ERGIC2: variants seen among roughly 807,000 people sequenced by gnomAD.
ERGIC2 encodes the protein ERGIC and golgi 2.
A neutral mutation model predicts 52.5 loss-of-function variants in ERGIC2; 31 were observed. That is an observed-to-expected ratio of 0.59 (90% CI 0.44 to 0.80). The LOEUF (loss-of-function observed/expected upper bound fraction) is 0.80, where lower values mean the gene tolerates loss of function less well. Ranked by LOEUF, ERGIC2 falls within the 30% of genes least tolerant of loss-of-function variation. The pLI, the probability that ERGIC2 is intolerant of heterozygous loss-of-function variation, is 0.00. For missense variants in ERGIC2, 395 were observed against 455.2 expected, an observed-to-expected ratio of 0.87 and a Z score of 1.20; for synonymous variants, 129 against 140.6, an observed-to-expected ratio of 0.92 and a Z score of 0.58.
intron 2 of ERGIC2, 88 bp from the exon 3 acceptor site, chr12:29,370,310 T>C: frequency 7.3e-7 from 1 of 1,367,524 alleles, no homozygotes. Context: ...GATTAAATTT[T>C]CAAAAGAAAA....
intron 4 of ERGIC2, among the ~76,000 whole-genome samples, chr12:29,367,205 A>G (rs1166424813): frequency 6.6e-6 from 1 of 151,732 alleles, no homozygotes; most frequent in Non-Finnish European, 1.5e-5. Context: ...CAATAAAAAA[A>G]AAAAGATAAT....
chr12:29,359,514 T>C (rs370208004), intron 6 of ERGIC2, among the ~76,000 whole-genome samples: 1 of 152,110 alleles, frequency 6.6e-6, no homozygotes, highest in South Asian at 2.1e-4. Flanking sequence ...ATCATCTTAA[T>C]AGTAAAAATA....
chr12:29,356,563 C>T, intron 7 of ERGIC2, 86 bp from the exon 8 acceptor site: 2 of 653,710 alleles, frequency 3.1e-6, no homozygotes, highest in Non-Finnish European at 5.2e-6. Flanking sequence ...AAAAAAAATC[C>T]CTAAAGATCA....
chr12:29,378,320 T>G (rs1940541808), intron 1 of ERGIC2, among the ~76,000 whole-genome samples: 1 of 152,166 alleles, frequency 6.6e-6, no homozygotes, highest in South Asian at 2.1e-4. Flanking sequence ...TCTTCAAGTC[T>G]TGCTGACACC....
In ERGIC2 at chr12:29,338,221, C is replaced by T. The variant is rs1302406330; in HGVS notation, c.*2935G>A. Reference sequence around the variant, plus strand: ...GAACTTAGTCATTCCTTCATGAATTCCAAAATTAAGATTGTATTAAAGACT... The same window carrying T: ...GAACTTAGTCATTCCTTCATGAATTTCAAAATTAAGATTGTATTAAAGACT... On this transcript the variant is annotated 3_prime_UTR_variant, in exon 14 of 14. Transcript: ENST00000360150. The T allele has an allele frequency of 6.6e-6, 1 of 150,792 alleles. No individual in the cohort carries two copies. The highest frequency in any genetic ancestry group is 1.5e-5 in the Non-Finnish European group (1 of 67,772). The allele number at this position is 150,792 out of a possible 1,614,324, so 9.3% of individuals were successfully genotyped here.
intron 12 of ERGIC2, among the ~76,000 whole-genome samples, chr12:29,342,272 C>A (rs917009310): frequency 6.6e-6 from 1 of 152,202 alleles, no homozygotes; most frequent in Non-Finnish European, 1.5e-5. Context: ...CCTTGGCCTC[C>A]CAAAGTGTTG....
chr12:29,371,691 T>C, intron 1 of ERGIC2, 21 bp from the exon 2 acceptor site: 1 of 1,068,682 alleles, frequency 9.4e-7, no homozygotes, highest in East Asian at 2.4e-5. Flanking sequence ...AATAAATTAA[T>C]GAATAAATGA....
intron 5 of ERGIC2, 26 bp downstream of exon 5, chr12:29,366,851 C>CA (rs763205837): frequency 3.3e-6 from 5 of 1,515,884 alleles, no homozygotes; most frequent in Admixed American, 3.5e-5. Flanking sequence ...CCGTGTATTT[C>CA]AAAAAACCAT....
chr12:29,375,763 C>A (rs1341587217), intron 1 of ERGIC2, among the ~76,000 whole-genome samples: 2 of 152,158 alleles, frequency 1.3e-5, no homozygotes, highest in Non-Finnish European at 2.9e-5. Context: ...GCTCCCTACC[C>A]ATCTCTAGCT....
intron 12 of ERGIC2, 93 bp downstream of exon 12, chr12:29,343,027 G>T: frequency 9.3e-7 from 1 of 1,078,454 alleles, no homozygotes; most frequent in Non-Finnish European, 1.3e-6. Flanking sequence ...ACCGAAACAT[G>T]AAAATCTGTA....
At chr12:29,349,028 T>C (rs919846619) in intron 10 of ERGIC2, 51 bp downstream of exon 10, 15 of 940,830 alleles carry the variant, frequency 1.6e-5, no homozygotes, top group Non-Finnish European at 2.5e-5. Flanking sequence ...ATTCAGGTTA[T>C]AAGCAAAATT....
In ERGIC2 at chr12:29,370,143, A is replaced by G; in HGVS notation, c.186T>C (p.Tyr62=). Residue 62 remains tyrosine, a synonymous_variant, in exon 3 of 14, where the codon TAT becomes TAC. Transcript: ENST00000360150. ...AAAAATCCTTGTCTACTTCGTATTC[A>G]TACTTCATCCATGTATCTTGATATA... The part of the protein sequence containing the change: ...FSVYQDTWMK[Y]EYEVDKDFSS... The G allele has an allele frequency of 6.5e-7, 1 of 1,539,898 alleles. No individual in the cohort carries two copies. The highest frequency in any genetic ancestry group is 8.7e-7 in the Non-Finnish European group (1 of 1,154,806).
chr12:29,342,824 T>G (rs1949849031), intron 12 of ERGIC2, among the ~76,000 whole-genome samples: 1 of 152,176 alleles, frequency 6.6e-6, no homozygotes, highest in Admixed American at 6.5e-5. Flanking sequence ...AGGTGATCTA[T>G]TCCAAGCTAC....
At chr12:29,378,592 T>C (rs1416762674) in intron 1 of ERGIC2, among the ~76,000 whole-genome samples, 1 of 151,886 alleles carries the variant, frequency 6.6e-6, no homozygotes, top group Non-Finnish European at 1.5e-5. Context: ...AAATACTAGA[T>C]AGCAACCCCC....
In ERGIC2 at chr12:29,343,178, T is replaced by C. The variant is rs1949850956; in HGVS notation, c.930A>G (p.Pro310=). ...AGAGTCTTACAAAAAACTGCCAGAA[T>C]GGCATGTGCTCCTCAGTAACTGTCA... is the stretch of plus-strand genomic sequence containing the variant. ...LMVTVTEEHM[P]FWQFFVRLCG... The change falls in exon 12 of 14, where the codon CCA becomes CCG. Residue 310 remains proline (P), a synonymous_variant. Coordinates refer to ENST00000360150, the MANE Select transcript of ERGIC2 (RefSeq NM_016570.3). 6.2e-7 allele frequency: 1 copy of C among 1,611,470 alleles called. No homozygotes were observed. The highest frequency in any genetic ancestry group is 2.2e-5 in the East Asian group (1 of 44,824).
chr12:29,375,497 T>C (rs772710084), intron 1 of ERGIC2, among the ~76,000 whole-genome samples: 2 of 152,208 alleles, frequency 1.3e-5, no homozygotes, highest in Non-Finnish European at 2.9e-5. Context: ...TTTCCTGTTG[T>C]CTACTGTCCC....
intron 6 of ERGIC2, among the ~76,000 whole-genome samples, chr12:29,361,077 T>C (rs1940278890): frequency 6.6e-6 from 1 of 152,104 alleles, no homozygotes; most frequent in African/African-American, 2.4e-5. Flanking sequence ...TGAAACCCTA[T>C]CTCTACTAAA....
chr12:29,361,488 T>C (rs1223780246), intron 6 of ERGIC2, among the ~76,000 whole-genome samples, 157 bp downstream of exon 6: 3 of 152,198 alleles, frequency 2.0e-5, no homozygotes, highest in Admixed American at 6.5e-5. Context: ...TAAGATCTGA[T>C]GGTTTTTGAA....
intron 8 of ERGIC2, among the ~76,000 whole-genome samples, chr12:29,351,966 T>C (rs1402501319): frequency 6.6e-6 from 1 of 152,214 alleles, no homozygotes. Context: ...CATTGCTTAA[T>C]ACGCAGGATG....
Sources: gnomAD v4.1 joint callset for allele counts (sites outside exome capture counted in the v4.1 genomes callset) on GRCh38, gnomAD v4.1.1 for gene constraint, MANE v1.5 for transcripts, NCBI Gene and HGNC (gene_info 2026-07-23, HGNC 2026-07-21) for gene names.